Variants in CACNA1A observed in about 807,000 individuals in gnomAD.
CACNA1A encodes the protein voltage-dependent P/Q-type calcium channel subunit alpha-1A.
Under a neutral mutation model 262.4 loss-of-function variants are expected in CACNA1A, and 57 were observed. That is an observed-to-expected ratio of 0.22 (90% CI 0.18 to 0.27). The LOEUF (loss-of-function observed/expected upper bound fraction) is 0.27, where lower values mean the gene tolerates loss of function less well. Among genes scored for constraint, CACNA1A ranks in the 10% least tolerant of loss-of-function variants. The pLI is 1.00. For synonymous variants in CACNA1A, 1,431 were observed against 1,419.3 expected, an observed-to-expected ratio of 1.01 and a Z score of -0.18; for missense variants, 2,526 against 3,562.8, an observed-to-expected ratio of 0.71 and a Z score of 7.41.
intron 4 of CACNA1A, among the ~76,000 whole-genome samples, chr19:13,370,039 A>T (rs2059290575): frequency 6.6e-6 from 1 of 152,182 alleles, no homozygotes; most frequent in African/African-American, 2.4e-5. Flanking sequence ...GGGAGGATAA[A>T]GGACTTTAAA....
intron 10 of CACNA1A, among the ~76,000 whole-genome samples, chr19:13,318,232 G>T (rs185354265): frequency 2.0e-5 from 3 of 152,188 alleles, no homozygotes; most frequent in Non-Finnish European, 4.4e-5. Flanking sequence ...AGGTGAGTGT[G>T]TTGACTTGTC....
At position 13,338,175 on chromosome 19, in the gene CACNA1A, A is replaced by G. The variant is rs555107678; in HGVS notation, c.979-2266T>C. Among the ~76,000 whole-genome samples, 44 of 152,278 alleles carry G rather than the reference A, an allele frequency of 2.9e-4. 1 individual carries two copies. The South Asian group carries it at 8.9e-3, about 31-fold the overall frequency. On this transcript the variant is annotated intron_variant, in intron 6 of 46. Coordinates refer to ENST00000360228, the MANE Select transcript of CACNA1A (RefSeq NM_001127222.2). ...GCTTGCAGTGAGCGGAGATCACACC[A>G]CTGCACTCCAGCCTGGGCAACAGAG...
rs539262665 is a variant in CACNA1A, at chr19:13,308,353, C to A, written c.1781+63G>T. ...GCTCACTTTCCCAACTTTCTGGAGGCGGCCCCACCATGTCCCCCATCCCCA... is the reference window on the plus strand; with the variant it reads ...GCTCACTTTCCCAACTTTCTGGAGGAGGCCCCACCATGTCCCCCATCCCCA... On this transcript the variant is annotated intron_variant, in intron 13 of 46. Transcript: ENST00000360228. This position sits in a 1 kb window ranked among gnomAD's most constrained non-coding sequence, Gnocchi z 4.2. 2 of 1,536,644 alleles carry A rather than the reference C, an allele frequency of 1.3e-6. No homozygotes were observed. The highest frequency in any genetic ancestry group is 4.6e-5 in the East Asian group (2 of 43,018).
intron 38 of CACNA1A, among the ~76,000 whole-genome samples, chr19:13,218,922 C>T (rs755405823): frequency 3.3e-5 from 5 of 152,048 alleles, no homozygotes; most frequent in Admixed American, 6.6e-5. Flanking sequence ...TTGGTAGAGA[C>T]GGGGTTTCGC....
intron 6 of CACNA1A, among the ~76,000 whole-genome samples, chr19:13,346,266 C>G (rs962573956): frequency 1.3e-5 from 2 of 152,042 alleles, no homozygotes; most frequent in Non-Finnish European, 2.9e-5. Context: ...TCACTCCCCA[C>G]TGGACATCTG....
chr19:13,221,111 C>T (rs542595389), intron 38 of CACNA1A, among the ~76,000 whole-genome samples: 1 of 150,616 alleles, frequency 6.6e-6, no homozygotes, highest in Non-Finnish European at 1.5e-5. Context: ...CTTCCCTCCT[C>T]CTGACTTACT....
At chr19:13,220,304 G>C (rs2055175476) in intron 38 of CACNA1A, among the ~76,000 whole-genome samples, 1 of 151,926 alleles carries the variant, frequency 6.6e-6, no homozygotes, top group Non-Finnish European at 1.5e-5. Flanking sequence ...TCAAAATACA[G>C]AGATGATCAG....
At chr19:13,310,514 G>A (rs368130957) in intron 12 of CACNA1A, among the ~76,000 whole-genome samples, 934 of 9,362 alleles carry the variant, frequency 0.1, 197 homozygotes, top group Admixed American at 0.23. Flanking sequence ...ATATATATAT[G>A]TAGAGAGAGA....
chr19:13,312,927 C>T (rs2058060723), intron 11 of CACNA1A, 146 bp from the exon 12 acceptor site: 1 of 514,062 alleles, frequency 1.9e-6, no homozygotes, highest in African/African-American at 2.0e-5. Flanking sequence ...AGGCTGGTTT[C>T]AAACTCCTGG....
chr19:13,251,265 T>C (rs911933216), intron 30 of CACNA1A, among the ~76,000 whole-genome samples: 3 of 152,050 alleles, frequency 2.0e-5, no homozygotes, highest in Non-Finnish European at 2.9e-5. Context: ...GGGCGGATCA[T>C]GAGGTCAGGA....
chr19:13,267,549 T>C (rs1240275016), intron 24 of CACNA1A, among the ~76,000 whole-genome samples: 4 of 152,168 alleles, frequency 2.6e-5, no homozygotes, highest in African/African-American at 9.6e-5. Flanking sequence ...CCAGGCGTTG[T>C]GGAGCTGCAA....
rs1349958699 is a variant in CACNA1A, at chr19:13,212,075, G to T, written c.6303+28C>A. On this transcript the variant is annotated intron_variant, in intron 43 of 46. Transcript: ENST00000360228. The surrounding 1 kb of genome is among the most constrained non-coding windows in gnomAD (Gnocchi z 5.6). ...TACCCAGTGCAGAGTGAGGGGTCCA[G>T]CCCCAGGGCAGTGGTGAAAGCCCTC... 5 of 1,525,234 alleles carry T rather than the reference G, an allele frequency of 3.3e-6. No individual in the cohort carries two copies. The highest frequency in any genetic ancestry group is 2.7e-5 in the African/African-American group (2 of 73,318). The allele number at this position is 1,525,234 out of a possible 1,614,324, so 94.5% of individuals were successfully genotyped here.
At chr19:13,468,742 G>T (rs995643623) in intron 1 of CACNA1A, among the ~76,000 whole-genome samples, 1 of 152,126 alleles carries the variant, frequency 6.6e-6, no homozygotes, top group East Asian at 1.9e-4. Flanking sequence ...AGCCAAGATC[G>T]TGCCGCTGCA....
chr19:13,313,939 T>C (rs7257131), intron 11 of CACNA1A, among the ~76,000 whole-genome samples: 36,813 of 152,112 alleles, frequency 0.24, 4,668 homozygotes, highest in African/African-American at 0.33. Flanking sequence ...GCTTTTCTCC[T>C]AACTCAGAAA....
intron 10 of CACNA1A, among the ~76,000 whole-genome samples, chr19:13,320,236 T>TAGAGAGAGAGAGAG (rs1491579757): frequency 2.7e-5 from 2 of 73,518 alleles, no homozygotes; most frequent in Non-Finnish European, 2.7e-5. Flanking sequence ...GTTCCACAGA[T>TAGAGAGAGAGAGAG]CGAGAGAGAG....
intron 3 of CACNA1A, among the ~76,000 whole-genome samples, chr19:13,399,991 C>A (rs1174074577): frequency 6.6e-6 from 1 of 152,168 alleles, no homozygotes; most frequent in African/African-American, 2.4e-5. Context: ...GTTGTCTCAT[C>A]TGTAAAATGG....
chr19:13,319,756 G>C (rs1397481945), intron 10 of CACNA1A, among the ~76,000 whole-genome samples: 2 of 152,172 alleles, frequency 1.3e-5, no homozygotes, highest in African/African-American at 2.4e-5. Context: ...GGAACATTTA[G>C]CAGGCACCAG....
intron 1 of CACNA1A, among the ~76,000 whole-genome samples, chr19:13,472,625 C>T (rs1237268280): frequency 6.6e-6 from 1 of 152,200 alleles, no homozygotes; most frequent in Non-Finnish European, 1.5e-5. Flanking sequence ...GATTCTCTTC[C>T]TCCCTCTGTC....
Position 13,235,551 on chromosome 19 carries a change from A to G in CACNA1A, c.5067+63T>C, listed in dbSNP as rs1045638873. On this transcript the variant is annotated intron_variant, in intron 32 of 46. Transcript: ENST00000360228. ...CACTTCCAATCTGACTTCTACATTC[A>G]GCCAGAGCATGAGGGTCACCTGTCT... 14 of 1,140,858 alleles carry G rather than the reference A, an allele frequency of 1.2e-5. 1 individual carries two copies. The African/African-American group carries it at 2.0e-4, about 16-fold the overall frequency. 70.7% of individuals were successfully genotyped at this position (1,140,858 alleles called of 1,614,324 possible).
Sources: gnomAD v4.1 joint callset for allele counts (sites outside exome capture counted in the v4.1 genomes callset) on GRCh38, gnomAD v4.1.1 for gene constraint, Gnocchi (gnomAD v3.1) non-coding constraint, MANE v1.5 for transcripts, NCBI Gene and HGNC (gene_info 2026-07-23, HGNC 2026-07-21) for gene names.